Variants in PELI2 observed in about 807,000 individuals in gnomAD.
PELI2 encodes the protein pellino E3 ubiquitin protein ligase family member 2.
In PELI2, 23 loss-of-function variants were observed where a neutral mutation model predicts 42.3. The observed-to-expected ratio is 0.54, with a 90% CI of 0.39 to 0.77. The LOEUF is 0.77. PELI2 is among the 30% of genes least tolerant of loss of function. The pLI is 0.00. For synonymous variants in PELI2, 245 were observed against 212.2 expected (o/e 1.15, Z -1.34); for missense variants, 463 against 553.2 (o/e 0.84, Z 1.64).
chr14:56,163,855 G>A (rs1210545363), intron 1 of PELI2, among the ~76,000 whole-genome samples: 3 of 151,866 alleles, frequency 2.0e-5, no homozygotes, highest in African/African-American at 7.3e-5. Flanking sequence ...TCTTTTTCAT[G>A]TTGTTCAGTA....
chr14:56,211,540 A>T (rs1049377736), intron 2 of PELI2, among the ~76,000 whole-genome samples: 6 of 152,156 alleles, frequency 3.9e-5, no homozygotes, highest in Non-Finnish European at 4.4e-5. Flanking sequence ...CCTTGTTGGG[A>T]TAGAGAATGT....
chr14:56,156,824 A>G (rs1215525817), intron 1 of PELI2, among the ~76,000 whole-genome samples: 3 of 152,198 alleles, frequency 2.0e-5, no homozygotes, highest in Admixed American at 1.3e-4. Context: ...GAATCATTAT[A>G]CCTATAAGGT....
chr14:56,149,734 GAA>G (rs1239838631), intron 1 of PELI2, among the ~76,000 whole-genome samples: 1 of 151,928 alleles, frequency 6.6e-6, no homozygotes, highest in Non-Finnish European at 1.5e-5. Flanking sequence ...CAGCATCTCT[GAA>G]AAATATCTTA....
rs182171359 is a variant in PELI2, at chr14:56,191,191, C to T, written c.207+12727C>T. On this transcript the variant is annotated intron_variant, in intron 2 of 5. Coordinates refer to ENST00000267460, the MANE Select transcript of PELI2 (RefSeq NM_021255.3). ...AGGACCCACTCTTATAGGCAGGTACCCAGAGAAGAAAGGCCACATAACTGA... is the reference window on the plus strand; with the variant it reads ...AGGACCCACTCTTATAGGCAGGTACTCAGAGAAGAAAGGCCACATAACTGA... Among the ~76,000 whole-genome samples the T allele has an allele frequency of 7.9e-5, 12 of 152,226 alleles. No individual in the cohort carries two copies. In the East Asian group the frequency reaches 1.7e-3, roughly 22 times the overall value.
intron 1 of PELI2, among the ~76,000 whole-genome samples, chr14:56,165,555 T>C (rs1300374766): frequency 5.3e-5 from 8 of 152,188 alleles, no homozygotes; most frequent in Non-Finnish European, 8.8e-5. Flanking sequence ...GAATGTGTAT[T>C]CTGCAGCTGC....
intron 1 of PELI2, among the ~76,000 whole-genome samples, chr14:56,150,608 A>G (rs1322459835): frequency 1.3e-5 from 2 of 152,204 alleles, no homozygotes; most frequent in African/African-American, 4.8e-5. Flanking sequence ...AGGTATTTAT[A>G]GTACTTGGAA....
At chr14:56,163,401 C>A (rs1488128313) in intron 1 of PELI2, among the ~76,000 whole-genome samples, 3 of 152,056 alleles carry the variant, frequency 2.0e-5, no homozygotes, top group Non-Finnish European at 4.4e-5. Flanking sequence ...GGATTTGTTT[C>A]AGGGTTCTCT....
chr14:56,131,540 G>A (rs911571948), intron 1 of PELI2, among the ~76,000 whole-genome samples: 3 of 152,224 alleles, frequency 2.0e-5, no homozygotes, highest in South Asian at 4.1e-4. Flanking sequence ...TCAATCAGCA[G>A]GTTCTGCTAA....
Position 56,290,354 on chromosome 14 carries a change from C to A in PELI2, c.594C>A (p.Gly198=), listed in dbSNP as rs1231329393. Residue 198 remains glycine (G), a synonymous_variant, in exon 5 of 6, where the codon GGC becomes GGA. Transcript: ENST00000267460. ...NGVLVMHPRG[G]FTEESQPGVW... Reference sequence around the variant, plus strand: ...TCCTGGTGATGCATCCACGAGGGGGCTTCACCGAGGAGTCCCAGCCCGGGG... The same window carrying A: ...TCCTGGTGATGCATCCACGAGGGGGATTCACCGAGGAGTCCCAGCCCGGGG... The A allele has an allele frequency of 6.2e-7, 1 of 1,613,608 alleles. No homozygotes were observed. The highest frequency in any genetic ancestry group is 8.5e-7 in the Non-Finnish European group (1 of 1,179,712).
At chr14:56,252,700 T>C (rs534067572) in intron 2 of PELI2, among the ~76,000 whole-genome samples, 11 of 152,196 alleles carry the variant, frequency 7.2e-5, no homozygotes, top group African/African-American at 2.6e-4. Flanking sequence ...AGTTCTGAAA[T>C]TGAGGCAGTA....
chr14:56,223,242 T>C (rs565180783), intron 2 of PELI2, among the ~76,000 whole-genome samples: 1 of 152,320 alleles, frequency 6.6e-6, no homozygotes, highest in Admixed American at 6.5e-5. Flanking sequence ...ACTCCCTCTC[T>C]GGTCTTAATT....
At chr14:56,241,543 A>G (rs1272695683) in intron 2 of PELI2, among the ~76,000 whole-genome samples, 1 of 152,118 alleles carries the variant, frequency 6.6e-6, no homozygotes, top group Non-Finnish European at 1.5e-5. Flanking sequence ...AGTGCACTAG[A>G]GGCACAGGAG....
chr14:56,224,019 G>C (rs1487565883), intron 2 of PELI2, among the ~76,000 whole-genome samples: 1 of 152,156 alleles, frequency 6.6e-6, no homozygotes, highest in Non-Finnish European at 1.5e-5. Context: ...CAAAATAGTG[G>C]GGCAGTATAA....
intron 2 of PELI2, among the ~76,000 whole-genome samples, chr14:56,194,568 G>A (rs986277212): frequency 6.6e-6 from 1 of 152,184 alleles, no homozygotes. Context: ...GTATATTCAT[G>A]CCTGTTAGAT....
chr14:56,207,505 ATATTAG>A (rs1232065285), intron 2 of PELI2, among the ~76,000 whole-genome samples: 7 of 152,174 alleles, frequency 4.6e-5, no homozygotes, highest in Non-Finnish European at 8.8e-5. Flanking sequence ...TTATTGGGGT[ATATTAG>A]GAACAGGAGC....
Position 56,237,072 on chromosome 14 carries a change from A to C in PELI2, c.208-42604A>C, listed in dbSNP as rs1304760668. Among the ~76,000 whole-genome samples the C allele has an allele frequency of 3.3e-5, 5 of 152,180 alleles. No individual in the cohort carries two copies. The South Asian group carries it at 6.2e-4, about 19-fold the overall frequency. On this transcript the variant is annotated intron_variant, in intron 2 of 5. Coordinates refer to ENST00000267460, the MANE Select transcript of PELI2 (RefSeq NM_021255.3). ...AAGGAAAATTCTGTCCCCCTTTAGC[A>C]AATGTCCCCTCCTTGCTTCTTGAGA...
intron 1 of PELI2, among the ~76,000 whole-genome samples, chr14:56,147,538 A>G (rs1884173787): frequency 1.3e-5 from 2 of 152,244 alleles, no homozygotes; most frequent in Non-Finnish European, 2.9e-5. Context: ...CAAATTGCAT[A>G]GAATGGCATT....
In PELI2 at chr14:56,198,208, C is replaced by CA. The variant is rs200189722; in HGVS notation, c.207+19747dup. 6.4e-3 allele frequency among the ~76,000 whole-genome samples: 977 copies of CA among 152,180 alleles called. 12 individuals are homozygous for CA. Among genetic ancestry groups the CA allele is most frequent in the African/African-American group, 0.022 (925 of 41,508 alleles). ...AGAGGAGCCGGTTTAAGGAGAAACTCAAAGAGTTTGGTTTGGGTCTTGTGT... is the reference window on the plus strand; with the variant it reads ...AGAGGAGCCGGTTTAAGGAGAAACTCAAAAGAGTTTGGTTTGGGTCTTGTGT... On this transcript the variant is annotated intron_variant, in intron 2 of 5. Coordinates refer to ENST00000267460, the MANE Select transcript of PELI2 (RefSeq NM_021255.3).
At chr14:56,172,242 A>G (rs991305777) in intron 1 of PELI2, among the ~76,000 whole-genome samples, 7 of 152,194 alleles carry the variant, frequency 4.6e-5, no homozygotes, top group Non-Finnish European at 7.3e-5. Context: ...TGGAGTGTCC[A>G]TGATGGCTTC....
Sources: gnomAD v4.1 joint callset for allele counts (sites outside exome capture counted in the v4.1 genomes callset) on GRCh38, gnomAD v4.1.1 for gene constraint, MANE v1.5 for transcripts, NCBI Gene and HGNC (gene_info 2026-07-23, HGNC 2026-07-21) for gene names.